NKX2-3: variants seen among roughly 807,000 people sequenced by gnomAD.
The protein encoded by NKX2-3 is NK2 homeobox 3, also known as homeobox protein Nkx-2.3.
NKX2-3 carries 3 observed loss-of-function variants against 14.2 expected under a neutral mutation model. The ratio of observed to expected loss-of-function variants is 0.21; its 90% CI spans 0.10 to 0.55. The LOEUF is 0.55. NKX2-3 is among the 20% of genes least tolerant of loss of function. The probability of loss-of-function intolerance (pLI) is 0.94; values close to 1 mark genes in which losing one functional copy is unlikely to be tolerated. For missense variants in NKX2-3, 511 were observed against 514.5 expected (o/e 0.99, Z 0.06); for synonymous variants, 276 against 234.2 (o/e 1.18, Z -1.63).
chr10:99,534,106 G>A (rs2033939854), intron 1 of NKX2-3, among the ~76,000 whole-genome samples: 1 of 152,214 alleles, frequency 6.6e-6, no homozygotes, highest in Non-Finnish European at 1.5e-5. Flanking sequence ...TGTCTATTCC[G>A]CGCGACCATA....
intron 1 of NKX2-3, among the ~76,000 whole-genome samples, chr10:99,533,917 A>C (rs2033938146): frequency 6.6e-6 from 1 of 151,968 alleles, no homozygotes; most frequent in South Asian, 2.1e-4. Flanking sequence ...CAGGGCAGCC[A>C]CCCCTTCTTC....
chr10:99,535,576 G>T lies in NKX2-3; in HGVS notation c.950G>T (p.Cys317Phe). 6.7e-7 allele frequency: 1 copy of T among 1,499,456 alleles called. No individual in the cohort carries two copies. The allele number at this position is 1,499,456 out of a possible 1,614,324, so 92.9% of individuals were successfully genotyped here. ...GCGACCACTGCCATGCAGCCCGCCT[G>T]CAGCGCGGCCGGAGGCGGCCCCTTT... Reference protein sequence around the residue: ...SAATTAMQPACSAAGGGPFVN... With the variant: ...SAATTAMQPAFSAAGGGPFVN... Residue 317 changes from cysteine to phenylalanine, a missense_variant, in exon 2 of 2, where the codon TGC (cysteine) becomes TTC (phenylalanine). Coordinates refer to ENST00000344586, the MANE Select transcript of NKX2-3 (RefSeq NM_145285.3).
In NKX2-3 at chr10:99,535,652, G is replaced by A. The variant is rs918634750; in HGVS notation, c.1026G>A (p.Pro342=). Residue 342 remains proline, a synonymous_variant, in exon 2 of 2, where the codon CCG becomes CCA. Transcript: ENST00000344586. ...GGFGSGGSAQ[P]LHQGTAAGAA... ...TCGGCAGCGGCGGCAGCGCACAGCC[G>A]TTGCACCAGGGTACTGCAGCCGGGG... 7.2e-6 allele frequency: 11 copies of A among 1,536,230 alleles called. No individual in the cohort carries two copies. The African/African-American group carries it at 9.7e-5, about 14-fold the overall frequency.
Position 99,533,365 on chromosome 10 carries a change from A to G in NKX2-3, c.234A>G (p.Ala78=), listed in dbSNP as rs1319218388. The part of the protein sequence containing the change: ...EKLSYLNSLA[A]ADGHGDSGLC... ...TGTCCTATTTGAACTCACTAGCCGC[A>G]GCAGACGGCCACGGGGATTCAGGGC... Residue 78 remains alanine, a synonymous_variant, in exon 1 of 2, where the codon GCA becomes GCG. Transcript: ENST00000344586. The G allele has an allele frequency of 6.2e-7, 1 of 1,611,164 alleles. No homozygotes were observed.
rs771742879 is a variant in NKX2-3, at chr10:99,535,304, G to A, written c.678G>A (p.Val226=). The change falls in exon 2 of 2, where the codon GTG becomes GTA. Residue 226 remains valine (V), a synonymous_variant. Coordinates refer to ENST00000344586, the MANE Select transcript of NKX2-3 (RefSeq NM_145285.3). ...CGCCCCCGCCGCCGCCGCGCCGCGT[G>A]GCTGTCCCGGTGCTGGTGCGGGACG... ...AHAPPPPPRR[V]AVPVLVRDGK... 4 of 1,580,638 alleles carry A rather than the reference G, an allele frequency of 2.5e-6. No homozygotes were observed. The highest frequency in any genetic ancestry group is 2.7e-5 in the African/African-American group (2 of 74,190).
Position 99,535,227 on chromosome 10 carries a change from T to C in NKX2-3, c.601T>C (p.Tyr201His). 6.2e-7 allele frequency: 1 copy of C among 1,612,830 alleles called. No individual in the cohort carries two copies. The highest frequency in any genetic ancestry group is 8.5e-7 in the Non-Finnish European group (1 of 1,179,708). Residue 201 changes from tyrosine (Y) to histidine (H), a missense_variant, in exon 2 of 2, where the codon TAC becomes CAC. This residue lies in a region of NKX2-3 where 264 missense variants were observed against 254.7 expected (regional missense o/e 1.04). Transcript: ENST00000344586. ...GAAAATCTGGTTCCAGAATCGCAGG[T>C]ACAAGTGCAAGAGACAGCGGCAGGA... ...QVKIWFQNRRYKCKRQRQDKS... is the reference protein window; with the variant it reads ...QVKIWFQNRRHKCKRQRQDKS...
At position 99,533,279 on chromosome 10, in the gene NKX2-3, G is replaced by C. The variant is rs1345980832; in HGVS notation, c.148G>C (p.Ala50Pro). The C allele has an allele frequency of 6.2e-7, 1 of 1,614,026 alleles. No homozygotes were observed. Among genetic ancestry groups the C allele is most frequent in the Admixed American group, 1.7e-5 (1 of 60,002 alleles). Reference sequence around the variant, plus strand: ...CTCTGCGCCCTGCATGCTGGCCGCCGCTGAGGGGACGCAATTTTCTGACGG... The same window carrying C: ...CTCTGCGCCCTGCATGCTGGCCGCCCCTGAGGGGACGCAATTTTCTGACGG... ...FHSAPCMLAA[A>P]EGTQFSDGGE... The change falls in exon 1 of 2, where the codon GCT becomes CCT. Residue 50 changes from alanine (A) to proline (P), a missense_variant. Physicochemically the swap from Ala to Pro is conservative, Grantham distance 27. Transcript: ENST00000344586.
At position 99,535,450 on chromosome 10, in the gene NKX2-3, C is replaced by T; in HGVS notation, c.824C>T (p.Ala275Val). ...TATGGGAACTCGGCCGCGGCCGCCGCCGCCGCCGCCGCCGCCGCCGCAGCA... is the reference window on the plus strand; with the variant it reads ...TATGGGAACTCGGCCGCGGCCGCCGTCGCCGCCGCCGCCGCCGCCGCAGCA... ...YGYGNSAAAA[A>V]AAAAAAAAAA... Residue 275 changes from alanine (A) to valine (V), a missense_variant, in exon 2 of 2, where the codon GCC becomes GTC. By Grantham distance (64) the Ala-to-Val change is moderately conservative. Transcript: ENST00000344586. 1 of 1,245,974 alleles carries T rather than the reference C, an allele frequency of 8.0e-7. No homozygotes were observed. 77.2% of individuals were successfully genotyped at this position (1,245,974 alleles called of 1,614,324 possible).
At position 99,533,258 on chromosome 10, in the gene NKX2-3, G is replaced by T. The variant is rs1240423513; in HGVS notation, c.127G>T (p.Ala43Ser). 1 of 1,614,044 alleles carries T rather than the reference G, an allele frequency of 6.2e-7. No homozygotes were observed. The highest frequency in any genetic ancestry group is 1.7e-5 in the Admixed American group (1 of 60,022). ...QADLEHHFHS[A>S]PCMLAAAEGT... is the part of the protein sequence containing the mutation. ...GGACTTGGAGCACCACTTCCACTCT[G>T]CGCCCTGCATGCTGGCCGCCGCTGA... The change falls in exon 1 of 2, where the codon GCG (alanine) becomes TCG (serine). Residue 43 changes from alanine (A) to serine (S), a missense_variant. This residue lies in a region of NKX2-3 where 243 missense variants were observed against 242.3 expected (regional missense o/e 1.00). Coordinates refer to ENST00000344586, the MANE Select transcript of NKX2-3 (RefSeq NM_145285.3).
Position 99,533,464 on chromosome 10 carries a change from C to T in NKX2-3, c.333C>T (p.Pro111=), listed in dbSNP as rs749398566. 2 of 1,584,146 alleles carry T rather than the reference C, an allele frequency of 1.3e-6. No homozygotes were observed. Among genetic ancestry groups the T allele is most frequent in the East Asian group, 2.3e-5 (1 of 43,750 alleles). ...AGCCCAAGGAACATGAAGAGGAGCC[C>T]GAGGTCGTGAGGGACCGGAGCCAAA... ...CSEPKEHEEE[P]EVVRDRSQKS... The change falls in exon 1 of 2, where the codon CCC becomes CCT. Residue 111 remains proline (P), a synonymous_variant. Coordinates refer to ENST00000344586, the MANE Select transcript of NKX2-3 (RefSeq NM_145285.3).
chr10:99,535,948 G>T lies in NKX2-3; in HGVS notation c.*227G>T. 3.7e-6 allele frequency: 2 copies of T among 539,174 alleles called. No homozygotes were observed. The highest frequency in any genetic ancestry group is 3.6e-5 in the East Asian group (1 of 27,756). The allele number at this position is 539,174 out of a possible 1,614,324, so 33.4% of individuals were successfully genotyped here. A position where few individuals can be genotyped will look rare whatever the true frequency, so the allele number is the denominator to read the frequency against. ...GGACTGTCTCTGAGGCAGAAACGCC[G>T]GCTGGGCGCCGGGGAGGACGATGGC... On this transcript the variant is annotated 3_prime_UTR_variant, in exon 2 of 2. Transcript: ENST00000344586.
rs916395771 is a variant in NKX2-3, at chr10:99,534,885, A to G, written c.359-100A>G. 2.1e-6 allele frequency: 3 copies of G among 1,412,078 alleles called. No individual in the cohort carries two copies. In the African/African-American group the frequency reaches 4.3e-5, roughly 20 times the overall value. The allele number at this position is 1,412,078 out of a possible 1,614,324, so 87.5% of individuals were successfully genotyped here. On this transcript the variant is annotated intron_variant, in intron 1 of 1. Coordinates refer to ENST00000344586, the MANE Select transcript of NKX2-3 (RefSeq NM_145285.3). ...CAAAAGTCCAGCCATTTACTACCGC[A>G]CGCTCTGCGCAGCCACCAAAAAGGG...
In NKX2-3 at chr10:99,535,411, TC is replaced by T; in HGVS notation, c.789del (p.Ala264ProfsTer63). The T allele has an allele frequency of 7.4e-7, 1 of 1,357,538 alleles. No individual in the cohort carries two copies. Among genetic ancestry groups the T allele is most frequent in the Non-Finnish European group, 9.5e-7 (1 of 1,052,566 alleles). The allele number at this position is 1,357,538 out of a possible 1,614,324, so 84.1% of individuals were successfully genotyped here. A position where few individuals can be genotyped will look rare whatever the true frequency, so the allele number is the denominator to read the frequency against. ...GCCAGCGCCTACTCCTACAACAGCT[TC>T]CCCGCCTACGGCTATGGGAACTCGG... The part of the protein sequence containing the change: ...VGASAYSYNS[F>X]PAYGYGNSAA... On this transcript the variant is annotated frameshift_variant, in exon 2 of 2. Transcript: ENST00000344586. LOFTEE classifies it low-confidence loss of function (END_TRUNC).
rs376439342 is a variant in NKX2-3 at position 99,533,817 on chromosome 10, C to T, written c.358+328C>T. Among the ~76,000 whole-genome samples the T allele has an allele frequency of 7.2e-5, 11 of 152,024 alleles. No homozygotes were observed. The East Asian group carries it at 1.7e-3, about 24-fold the overall frequency. ...CATAACTGGCAGTATTTTTGCTCTT[C>T]CCCCCGCCCCAAAAGGCTCTTCCCC... On this transcript the variant is annotated intron_variant, in intron 1 of 1. Coordinates refer to ENST00000344586, the MANE Select transcript of NKX2-3 (RefSeq NM_145285.3).
At position 99,533,221 on chromosome 10, in the gene NKX2-3, G is replaced by C; in HGVS notation, c.90G>C (p.Ala30=). The change falls in exon 1 of 2, where the codon GCG becomes GCC. Residue 30 remains alanine (A), a synonymous_variant. Coordinates refer to ENST00000344586, the MANE Select transcript of NKX2-3 (RefSeq NM_145285.3). ...AGCAGCACCAGCACTTCCATGGTGCGCACTTGCAGGCGGACTTGGAGCACC... is the reference window on the plus strand; with the variant it reads ...AGCAGCACCAGCACTTCCATGGTGCCCACTTGCAGGCGGACTTGGAGCACC... The part of the protein sequence containing the change: ...LEQQHQHFHG[A]HLQADLEHHF... 1 of 1,610,052 alleles carries C rather than the reference G, an allele frequency of 6.2e-7. No homozygotes were observed. Among genetic ancestry groups the C allele is most frequent in the African/African-American group, 1.3e-5 (1 of 75,000 alleles).
At chr10:99,534,202 G>A (rs2033942144) in intron 1 of NKX2-3, among the ~76,000 whole-genome samples, 1 of 152,240 alleles carries the variant, frequency 6.6e-6, no homozygotes, top group Non-Finnish European at 1.5e-5. Flanking sequence ...AATAGAAAAC[G>A]CGCCGAACTT....
In NKX2-3 at chr10:99,533,441, C is replaced by G; in HGVS notation, c.310C>G (p.Pro104Ala). The change falls in exon 1 of 2, where the codon CCC (proline) becomes GCC (alanine). Residue 104 changes from proline to alanine, a missense_variant. Pro to Ala is a conservative substitution (Grantham distance 27). Around this residue, in one of 3 missense-constraint regions of NKX2-3, gnomAD observed 243 missense variants for 242.3 expected, o/e 1.00. Coordinates refer to ENST00000344586, the MANE Select transcript of NKX2-3 (RefSeq NM_145285.3). ...GGTCCTGCGAGACTCGTGCAGCGAG[C>G]CCAAGGAACATGAAGAGGAGCCCGA... ...HTVLRDSCSE[P>A]KEHEEEPEVV... 6.3e-7 allele frequency: 1 copy of G among 1,593,794 alleles called. No individual in the cohort carries two copies. Among genetic ancestry groups the G allele is most frequent in the Non-Finnish European group, 8.5e-7 (1 of 1,170,860 alleles).
chr10:99,533,290 G>C lies in NKX2-3; in HGVS notation c.159G>C (p.Thr53=). ...GCATGCTGGCCGCCGCTGAGGGGAC[G>C]CAATTTTCTGACGGAGGGGAGGAGG... ...APCMLAAAEG[T]QFSDGGEEDE... The change falls in exon 1 of 2, where the codon ACG becomes ACC. Residue 53 remains threonine (T), a synonymous_variant. Transcript: ENST00000344586. 1 of 1,613,882 alleles carries C rather than the reference G, an allele frequency of 6.2e-7. No individual in the cohort carries two copies. The highest frequency in any genetic ancestry group is 1.1e-5 in the South Asian group (1 of 91,048).
At chr10:99,534,910 G>A in intron 1 of NKX2-3, 75 bp from the exon 2 acceptor site, 1 of 1,507,008 alleles carries the variant, frequency 6.6e-7, no homozygotes, top group South Asian at 1.3e-5. Flanking sequence ...ACCAAAAAGG[G>A]TCACGGTGCT....
Sources: allele counts gnomAD v4.1 joint callset (sites outside exome capture counted in the v4.1 genomes callset), GRCh38; gene constraint gnomAD v4.1.1; regional missense constraint gnomAD v4.1.1; transcripts MANE v1.5; gene names NCBI Gene and HGNC (gene_info 2026-07-23, HGNC 2026-07-21).